WASF3: variants seen among roughly 807,000 people sequenced by gnomAD.
WASF3 encodes WASP family member 3, also known as actin-binding protein WASF3.
WASF3 carries 11 observed loss-of-function variants against 46.6 expected under a neutral mutation model. That is an observed-to-expected ratio of 0.24 (90% CI 0.15 to 0.39). WASF3 has a LOEUF of 0.39. Among genes scored for constraint, WASF3 ranks in the 10% least tolerant of loss-of-function variants. The probability of loss-of-function intolerance (pLI) is 1.00; values close to 1 mark genes in which losing one functional copy is unlikely to be tolerated. For synonymous variants in WASF3, 242 were observed against 259.7 expected (o/e 0.93, Z 0.65); for missense variants, 576 against 669.8 (o/e 0.86, Z 1.55).
chr13:26,662,867 TCATACACATACACATACA>T (rs59001910), intron 3 of WASF3, among the ~76,000 whole-genome samples: 6 of 151,264 alleles, frequency 4.0e-5, no homozygotes, highest in South Asian at 2.1e-4. Flanking sequence ...GCCCTCTGTG[TCATACACATACACATACA>T]CATACACATA....
intron 2 of WASF3, among the ~76,000 whole-genome samples, chr13:26,636,607 C>T (rs191883249): frequency 6.6e-6 from 1 of 152,244 alleles, no homozygotes; most frequent in Non-Finnish European, 1.5e-5. Context: ...ATGCTGGGAG[C>T]TGCACTGCAG....
chr13:26,594,314 C>A (rs1177001102), intron 1 of WASF3, among the ~76,000 whole-genome samples: 1 of 152,194 alleles, frequency 6.6e-6, no homozygotes, highest in Non-Finnish European at 1.5e-5. Context: ...TCCCCCGGTA[C>A]CTCAAGATCA....
At chr13:26,614,950 G>A (rs1247458341) in intron 2 of WASF3, among the ~76,000 whole-genome samples, 1 of 41,870 alleles carries the variant, frequency 2.4e-5, no homozygotes, top group Non-Finnish European at 5.1e-5. Context: ...TCTGTGTTCA[G>A]ACTGTTGTTG....
intron 2 of WASF3, among the ~76,000 whole-genome samples, chr13:26,618,094 TATG>T (rs1316081628): frequency 2.0e-5 from 3 of 152,198 alleles, no homozygotes; most frequent in African/African-American, 7.2e-5. Context: ...AACAGACGAA[TATG>T]AAGTCTTAGC....
upstream of WASF3, among the ~76,000 whole-genome samples, chr13:26,553,791 T>G (rs1168084898): frequency 2.0e-5 from 3 of 148,526 alleles, no homozygotes; most frequent in South Asian, 6.6e-4. Flanking sequence ...CACTCCAGCC[T>G]GGGCGACAGA....
intron 3 of WASF3, among the ~76,000 whole-genome samples, chr13:26,645,084 A>C (rs1163517829): frequency 6.6e-6 from 1 of 152,220 alleles, no homozygotes; most frequent in Admixed American, 6.5e-5. Context: ...AACTGAGTGC[A>C]ATGAACTGAA....
In WASF3 at chr13:26,686,423, TA is replaced by T; in HGVS notation, c.*580del. Reference sequence around the variant, plus strand: ...TGAGTGAATCTGATGCTCTGCTGAATAATTTCATTACCTCTGCACATGCCTG... The same window carrying T: ...TGAGTGAATCTGATGCTCTGCTGAATATTTCATTACCTCTGCACATGCCTG... On this transcript the variant is annotated 3_prime_UTR_variant, in exon 10 of 10. Coordinates refer to ENST00000335327, the MANE Select transcript of WASF3 (RefSeq NM_006646.6). 1 of 152,568 alleles carries T rather than the reference TA, an allele frequency of 6.6e-6. No homozygotes were observed. Among genetic ancestry groups the T allele is most frequent in the African/African-American group, 2.4e-5 (1 of 41,594 alleles). 9.5% of individuals were successfully genotyped at this position (152,568 alleles called of 1,614,324 possible). A position where few individuals can be genotyped will look rare whatever the true frequency, so the allele number is the denominator to read the frequency against.
rs1202921373 is a variant in WASF3, at chr13:26,686,524, G to A, written c.*679G>A. On this transcript the variant is annotated 3_prime_UTR_variant, in exon 10 of 10. Transcript: ENST00000335327. Reference sequence around the variant, plus strand: ...ATTTGCTTAGTAAATGCCTGTTGATGGTTTTTGCAAGAGAATTCAGCAGCT... The same window carrying A: ...ATTTGCTTAGTAAATGCCTGTTGATAGTTTTTGCAAGAGAATTCAGCAGCT... The A allele has an allele frequency of 6.6e-6, 1 of 152,240 alleles. No individual in the cohort carries two copies. Among genetic ancestry groups the A allele is most frequent in the Non-Finnish European group, 1.5e-5 (1 of 68,066 alleles). 9.4% of individuals were successfully genotyped at this position (152,240 alleles called of 1,614,324 possible). A position where few individuals can be genotyped will look rare whatever the true frequency, so the allele number is the denominator to read the frequency against.
intron 1 of WASF3, among the ~76,000 whole-genome samples, chr13:26,566,725 T>A (rs1415846248): frequency 6.6e-6 from 1 of 152,202 alleles, no homozygotes; most frequent in Non-Finnish European, 1.5e-5. Context: ...CAGCACACAT[T>A]GCTTCTCATC....
At position 26,682,828 on chromosome 13, in the gene WASF3, C is replaced by T. The variant is rs767056498; in HGVS notation, c.1205C>T (p.Pro402Leu). 1.9e-6 allele frequency: 3 copies of T among 1,610,720 alleles called. No homozygotes were observed. The South Asian group carries it at 3.3e-5, about 18-fold the overall frequency. Residue 402 changes from proline (P) to leucine (L), a missense_variant, in exon 9 of 10, where the codon CCT becomes CTT. This residue lies in a region of WASF3 where 295 missense variants were observed against 291.5 expected (regional missense o/e 1.01). Transcript: ENST00000335327. The surrounding 1 kb of genome is among the most constrained non-coding windows in gnomAD (Gnocchi z 4.4). ...GCCCCGCCACCCCCGGGCCCACCAC[C>T]TCCCCCGCCAGGCCCTCCTGGTCCC... ...VTAPPPPGPP[P>L]PPPGPPGPGS... is the part of the protein sequence containing the mutation.
intron 7 of WASF3, among the ~76,000 whole-genome samples, chr13:26,678,417 CT>C (rs1268212145): frequency 6.6e-6 from 1 of 151,966 alleles, no homozygotes; most frequent in Non-Finnish European, 1.5e-5. Context: ...TCTCTTTAGT[CT>C]TTTTCTATAC....
intron 2 of WASF3, chr13:26,619,523 G>A (rs1371142957): frequency 2.0e-5 from 3 of 152,106 alleles, no homozygotes; most frequent in African/African-American, 7.2e-5. Flanking sequence ...GGGGAAGTGG[G>A]GTGGATACAA....
upstream of WASF3, among the ~76,000 whole-genome samples, chr13:26,554,036 T>C (rs866255747): frequency 4.5e-3 from 322 of 71,572 alleles, 5 homozygotes; most frequent in Non-Finnish European, 6.2e-3. Flanking sequence ...CTTCTTTCTC[T>C]TTCTTTCCTT....
intron 3 of WASF3, among the ~76,000 whole-genome samples, chr13:26,658,075 C>T (rs904487498): frequency 6.6e-6 from 1 of 152,118 alleles, no homozygotes; most frequent in Non-Finnish European, 1.5e-5. Context: ...TGATGTTGTT[C>T]TCAACAATAG....
At chr13:26,611,717 C>T (rs1359104501) in intron 1 of WASF3, among the ~76,000 whole-genome samples, 3 of 152,154 alleles carry the variant, frequency 2.0e-5, no homozygotes, top group East Asian at 3.8e-4. Flanking sequence ...CTCTTTTACT[C>T]AGCATCAAGA....
rs904774796 is a variant in WASF3, at chr13:26,687,596, G to C, written c.*1751G>C. 8 of 152,184 alleles carry C rather than the reference G, an allele frequency of 5.3e-5. No individual in the cohort carries two copies. Among genetic ancestry groups the C allele is most frequent in the Non-Finnish European group, 1.2e-4 (8 of 68,078 alleles). The allele number at this position is 152,184 out of a possible 1,614,324, so 9.4% of individuals were successfully genotyped here. A position where few individuals can be genotyped will look rare whatever the true frequency, so the allele number is the denominator to read the frequency against. ...GTGTCTGTTCTCTCCTCTGTCCCAG[G>C]TGCTGGGAGCGTCCTCTTCAGCGTC... is the stretch of plus-strand genomic sequence containing the variant. On this transcript the variant is annotated 3_prime_UTR_variant, in exon 10 of 10. Transcript: ENST00000335327.
intron 1 of WASF3, among the ~76,000 whole-genome samples, chr13:26,585,821 A>G (rs1010934339): frequency 2.0e-5 from 3 of 152,172 alleles, no homozygotes; most frequent in African/African-American, 7.2e-5. Context: ...CCCCAAATGC[A>G]TAATAAAAGC....
chr13:26,686,063 T>G lies in WASF3; in HGVS notation c.*218T>G. 1 of 541,124 alleles carries G rather than the reference T, an allele frequency of 1.8e-6. No individual in the cohort carries two copies. Among genetic ancestry groups the G allele is most frequent in the East Asian group, 3.0e-5 (1 of 32,936 alleles). The allele number at this position is 541,124 out of a possible 1,614,324, so 33.5% of individuals were successfully genotyped here. ...GCAAATTGTGCTGCACATGAGGAAATAGGCTGTCACTATCACATTGTCCTG... is the reference window on the plus strand; with the variant it reads ...GCAAATTGTGCTGCACATGAGGAAAGAGGCTGTCACTATCACATTGTCCTG... On this transcript the variant is annotated 3_prime_UTR_variant, in exon 10 of 10. Transcript: ENST00000335327.
At chr13:26,631,615 A>G (rs1329957450) in intron 2 of WASF3, among the ~76,000 whole-genome samples, 1 of 152,182 alleles carries the variant, frequency 6.6e-6, no homozygotes, top group African/African-American at 2.4e-5. Context: ...TGATGCCTCC[A>G]GCTTTGTTCT....
Sources: gnomAD v4.1 joint callset for allele counts (sites outside exome capture counted in the v4.1 genomes callset) on GRCh38, gnomAD v4.1.1 for gene constraint, gnomAD v4.1.1 regional missense constraint, Gnocchi (gnomAD v3.1) non-coding constraint, MANE v1.5 for transcripts, NCBI Gene and HGNC (gene_info 2026-07-23, HGNC 2026-07-21) for gene names.